ZBTB26: variants seen among roughly 807,000 people sequenced by gnomAD.
ZBTB26 encodes zinc finger and BTB domain containing 26, also known as zinc finger and BTB domain-containing protein 26.
Under a neutral mutation model 31.6 loss-of-function variants are expected in ZBTB26, and 12 were observed. The observed-to-expected ratio is 0.38, with a 90% CI of 0.24 to 0.61. The LOEUF is 0.61. ZBTB26 is among the 20% of genes least tolerant of loss of function. The pLI, the probability that ZBTB26 is intolerant of heterozygous loss-of-function variation, is 0.60. For missense variants in ZBTB26, 311 were observed against 521.9 expected, an observed-to-expected ratio of 0.60 and a Z score of 3.94; for synonymous variants, 155 against 182.9, an observed-to-expected ratio of 0.85 and a Z score of 1.23.
intron 1 of ZBTB26, among the ~76,000 whole-genome samples, chr9:122,925,243 T>C (rs909405235): frequency 6.6e-6 from 1 of 152,048 alleles, no homozygotes; most frequent in Non-Finnish European, 1.5e-5. Context: ...CGTGGTGTCA[T>C]GCGCCTGTAG....
At chr9:122,921,944 C>A (rs1001106202) in intron 1 of ZBTB26, among the ~76,000 whole-genome samples, 3 of 146,202 alleles carry the variant, frequency 2.1e-5, no homozygotes, top group South Asian at 2.2e-4. Context: ...AAACAAAAAC[C>A]AAAACAAAAA....
chr9:122,929,627 T>C (rs1261089530), intron 1 of ZBTB26, among the ~76,000 whole-genome samples: 2 of 152,260 alleles, frequency 1.3e-5, no homozygotes, highest in Non-Finnish European at 2.9e-5. Flanking sequence ...GTCTGGTATG[T>C]ACCCTATAAG....
rs1180454268 is a variant in ZBTB26, at chr9:122,916,059, A to G, written c.*2550T>C. The G allele has an allele frequency of 2.0e-5, 3 of 152,226 alleles. No homozygotes were observed. The highest frequency in any genetic ancestry group is 1.9e-4 in the East Asian group (1 of 5,200). The allele number at this position is 152,226 out of a possible 1,614,324, so 9.4% of individuals were successfully genotyped here. ...ATCTAACAAACACGTATAAGCAAAGAAGGAGGAAAGTGAAGTTCCACAAAA... is the reference window on the plus strand; with the variant it reads ...ATCTAACAAACACGTATAAGCAAAGGAGGAGGAAAGTGAAGTTCCACAAAA... On this transcript the variant is annotated 3_prime_UTR_variant, in exon 2 of 2. Coordinates refer to ENST00000373656, the MANE Select transcript of ZBTB26 (RefSeq NM_020924.4).
intron 1 of ZBTB26, among the ~76,000 whole-genome samples, chr9:122,928,110 T>C (rs1047140028): frequency 3.9e-5 from 6 of 152,168 alleles, no homozygotes; most frequent in Admixed American, 1.3e-4. Flanking sequence ...GCTGGGATTA[T>C]AGGCATGAAC....
In ZBTB26 at chr9:122,919,334, T is replaced by C; in HGVS notation, c.601A>G (p.Asn201Asp). Residue 201 changes from asparagine to aspartate, a missense_variant, in exon 2 of 2, where the codon AAC becomes GAC. Physicochemically the swap from Asn to Asp is conservative, Grantham distance 23. Coordinates refer to ENST00000373656, the MANE Select transcript of ZBTB26 (RefSeq NM_020924.4). This position sits in a 1 kb window ranked among gnomAD's most constrained non-coding sequence, Gnocchi z 6.1. ...GTGGGTTCAGAAGAAATAAACTGGT[T>C]CTGATCTTTTTTACTTCTAACCTCT... The part of the protein sequence containing the change: ...VSEVRSKKDQ[N>D]QFISSEPTAL... The C allele has an allele frequency of 6.2e-7, 1 of 1,614,184 alleles. No individual in the cohort carries two copies. The highest frequency in any genetic ancestry group is 8.5e-7 in the Non-Finnish European group (1 of 1,180,022).
rs1339330706 is a variant in ZBTB26, at chr9:122,918,732, T to A, written c.1203A>T (p.Ala401=). The A allele has an allele frequency of 1.1e-5, 17 of 1,614,098 alleles. No homozygotes were observed. The highest frequency in any genetic ancestry group is 1.4e-5 in the Non-Finnish European group (17 of 1,180,030). Residue 401 remains alanine (A), a synonymous_variant, in exon 2 of 2, where the codon GCA becomes GCT. Transcript: ENST00000373656. ...CTTTAGAGTCTGTGACTGTTGTACA[T>A]GCAAAAGAATCAAAATCCACTGTGA... ...QDLTVDFDSF[A]CTTVTDSKGC... is the part of the protein sequence containing the mutation.
intron 1 of ZBTB26, among the ~76,000 whole-genome samples, chr9:122,925,058 A>AG (rs1325881227): frequency 6.6e-6 from 1 of 152,210 alleles, no homozygotes; most frequent in Non-Finnish European, 1.5e-5. Flanking sequence ...GCTACATTTC[A>AG]GGTATAGATG....
chr9:122,924,698 C>A (rs1833152174), intron 1 of ZBTB26, among the ~76,000 whole-genome samples: 3 of 150,258 alleles, frequency 2.0e-5, no homozygotes, highest in Non-Finnish European at 4.4e-5. Flanking sequence ...GTAATCATAG[C>A]TCACTGCTGC....
chr9:122,919,541 G>A lies in ZBTB26; in HGVS notation c.394C>T (p.Pro132Ser). 2 of 1,614,112 alleles carry A rather than the reference G, an allele frequency of 1.2e-6. No homozygotes were observed. Among genetic ancestry groups the A allele is most frequent in the Non-Finnish European group, 1.7e-6 (2 of 1,180,026 alleles). ...TCACATCCCTCTTTACTATCCATTG[G>A]TTGTTTTGGCTTTATAAACTTCCAC... ...ALWKFIKPKQ[P>S]MDSKEGCEPQ... The change falls in exon 2 of 2, where the codon CCA (proline) becomes TCA (serine). Residue 132 changes from proline (P) to serine (S), a missense_variant. Around this residue, in one of 5 missense-constraint regions of ZBTB26, gnomAD observed 207 missense variants for 298.6 expected, o/e 0.69. Transcript: ENST00000373656. This position sits in a 1 kb window ranked among gnomAD's most constrained non-coding sequence, Gnocchi z 6.1.
intron 1 of ZBTB26, among the ~76,000 whole-genome samples, chr9:122,920,850 C>T (rs1364045009): frequency 2.0e-5 from 3 of 152,178 alleles, no homozygotes; most frequent in Non-Finnish European, 4.4e-5. Context: ...AATCATTAGT[C>T]ATTATGTGGA....
rs774121436 is a variant in ZBTB26, at chr9:122,919,984, C to T, written c.-10-40G>A. ...TGTAAAAAGGTTGAATTTAAGGAAA[C>T]TCAGACAATTAAGAAAGCTGGATCT... On this transcript the variant is annotated intron_variant, in intron 1 of 1. Coordinates refer to ENST00000373656, the MANE Select transcript of ZBTB26 (RefSeq NM_020924.4). The surrounding 1 kb of genome is among the most constrained non-coding windows in gnomAD (Gnocchi z 6.1). 6.6e-7 allele frequency: 1 copy of T among 1,521,450 alleles called. No homozygotes were observed. Among genetic ancestry groups the T allele is most frequent in the South Asian group, 1.4e-5 (1 of 72,998 alleles). 94.2% of individuals were successfully genotyped at this position (1,521,450 alleles called of 1,614,324 possible). A position where few individuals can be genotyped will look rare whatever the true frequency, so the allele number is the denominator to read the frequency against.
At chr9:122,923,286 CACAA>C (rs1349047019) in intron 1 of ZBTB26, among the ~76,000 whole-genome samples, 5 of 151,228 alleles carry the variant, frequency 3.3e-5, no homozygotes, top group African/African-American at 9.7e-5. Context: ...TTAATAAAAA[CACAA>C]ACAAAGCATA....
chr9:122,918,661 T>A lies in ZBTB26; in HGVS notation c.1274A>T (p.Lys425Ile), dbSNP rs761011009. 2 of 1,614,200 alleles carry A rather than the reference T, an allele frequency of 1.2e-6. No individual in the cohort carries two copies. Among genetic ancestry groups the A allele is most frequent in the South Asian group, 2.2e-5 (2 of 91,080 alleles). Reference protein sequence around the residue: ...PDATQVLDAGKLAQAVLNLRN... With the variant: ...PDATQVLDAGILAQAVLNLRN... ...TAAGTTCAGGACAGCTTGGGCCAGT[T>A]TACCTGCATCCAGGACCTGTGTTGC... is the stretch of plus-strand genomic sequence containing the variant. Residue 425 changes from lysine (K) to isoleucine (I), a missense_variant, in exon 2 of 2, where the codon AAA becomes ATA. By Grantham distance (102) the Lys-to-Ile change is moderately radical (BLOSUM62 -3). This residue lies in a region of ZBTB26 where 49 missense variants were observed against 66.0 expected (regional missense o/e 0.74). Transcript: ENST00000373656.
rs1032396980 is a variant in ZBTB26 at position 122,917,307 on chromosome 9, T to C, written c.*1302A>G. On this transcript the variant is annotated 3_prime_UTR_variant, in exon 2 of 2. Coordinates refer to ENST00000373656, the MANE Select transcript of ZBTB26 (RefSeq NM_020924.4). ...GGTCAATATTGGCCAGGCCACCTCT[T>C]CAGGCTTTGGATACCCCAATTTAAA... is the stretch of plus-strand genomic sequence containing the variant. 1 of 152,198 alleles carries C rather than the reference T, an allele frequency of 6.6e-6. No individual in the cohort carries two copies. The highest frequency in any genetic ancestry group is 1.5e-5 in the Non-Finnish European group (1 of 68,026). The allele number at this position is 152,198 out of a possible 1,614,324, so 9.4% of individuals were successfully genotyped here. A position where few individuals can be genotyped will look rare whatever the true frequency, so the allele number is the denominator to read the frequency against.
intron 1 of ZBTB26, among the ~76,000 whole-genome samples, chr9:122,928,747 T>C (rs1480919804): frequency 6.6e-6 from 1 of 152,228 alleles, no homozygotes; most frequent in Non-Finnish European, 1.5e-5. Flanking sequence ...TTCAAGGTAC[T>C]CAAAAATACC....
At chr9:122,929,274 C>T (rs186569467) in intron 1 of ZBTB26, among the ~76,000 whole-genome samples, 5 of 152,284 alleles carry the variant, frequency 3.3e-5, no homozygotes, top group South Asian at 2.1e-4. Flanking sequence ...AGAGTGGAAA[C>T]GGACTTAGGA....
At chr9:122,923,872 GAATAT>G (rs1833138460) in intron 1 of ZBTB26, among the ~76,000 whole-genome samples, 1 of 152,190 alleles carries the variant, frequency 6.6e-6, no homozygotes, top group Non-Finnish European at 1.5e-5. Flanking sequence ...TGGTCCCATA[GAATAT>G]AATACCATAT....
In ZBTB26 at chr9:122,926,080, A is replaced by G. The variant is rs1406068420; in HGVS notation, c.-11+5357T>C. On this transcript the variant is annotated intron_variant, in intron 1 of 1. Transcript: ENST00000373656. ...GGCCTAATTTTTGGATTTTTAGTAG[A>G]GATGGAGTTTCACCATGTTGGCCAG... 2.6e-5 allele frequency among the ~76,000 whole-genome samples: 4 copies of G among 151,806 alleles called. No individual in the cohort carries two copies. In the East Asian group the frequency reaches 7.8e-4, roughly 30 times the overall value.
chr9:122,918,517 TGGA>T lies in ZBTB26; in HGVS notation c.*89_*91del. On this transcript the variant is annotated 3_prime_UTR_variant, in exon 2 of 2. Coordinates refer to ENST00000373656, the MANE Select transcript of ZBTB26 (RefSeq NM_020924.4). ...CTCCCTACCACCTACACAGAGGCTT[TGGA>T]GAAGTCAAACTAGCAAAATCACTCC... 1.3e-6 allele frequency: 2 copies of T among 1,521,094 alleles called. No homozygotes were observed. The highest frequency in any genetic ancestry group is 1.8e-6 in the Non-Finnish European group (2 of 1,141,020). 94.2% of individuals were successfully genotyped at this position (1,521,094 alleles called of 1,614,324 possible). A position where few individuals can be genotyped will look rare whatever the true frequency, so the allele number is the denominator to read the frequency against.
Sources: gnomAD v4.1 joint callset for allele counts (sites outside exome capture counted in the v4.1 genomes callset) on GRCh38, gnomAD v4.1.1 for gene constraint, gnomAD v4.1.1 regional missense constraint, Gnocchi (gnomAD v3.1) non-coding constraint, MANE v1.5 for transcripts, NCBI Gene and HGNC (gene_info 2026-07-23, HGNC 2026-07-21) for gene names.